The following RIMBP2 variants were observed in gnomAD, a reference collection of about 807,000 sequenced individuals.
RIMBP2 encodes the protein RIMS-binding protein 2.
A neutral mutation model predicts 118.6 loss-of-function variants in RIMBP2; 48 were observed. The ratio of observed to expected loss-of-function variants is 0.40; its 90% CI spans 0.32 to 0.51. The LOEUF is 0.51. RIMBP2 is among the 20% of genes least tolerant of loss of function. The probability of loss-of-function intolerance (pLI) is 0.41; values close to 1 mark genes in which losing one functional copy is unlikely to be tolerated. For missense variants in RIMBP2, 1,551 were observed against 1,768.3 expected (o/e 0.88, Z 2.20); for synonymous variants, 762 against 742.9 (o/e 1.03, Z -0.42).
rs1051341118 is a variant in RIMBP2, at chr12:130,434,413, A to G, written c.2253+321T>C. ...CCAGTTAACGGAGGTGAATGAGCGA[A>G]TGGCAGGTTCTGCCTGAACTGAGCC... On this transcript the variant is annotated intron_variant, in intron 14 of 22. Transcript: ENST00000690449. The surrounding 1 kb of genome is among the most constrained non-coding windows in gnomAD (Gnocchi z 5.7). Among the ~76,000 whole-genome samples, 7 of 152,182 alleles carry G rather than the reference A, an allele frequency of 4.6e-5. No individual in the cohort carries two copies. Among genetic ancestry groups the G allele is most frequent in the African/African-American group, 1.7e-4 (7 of 41,446 alleles).
Position 130,677,499 on chromosome 12 carries a change from G to A in RIMBP2, c.-352+38723C>T, listed in dbSNP as rs189119605. On this transcript the variant is annotated intron_variant, in intron 1 of 22. Transcript: ENST00000690449. ...AAAAATTAGCTCAGGGTGGTGGCGG[G>A]CACTTGTAGTCCCAGCTACTCAGGA... Among the ~76,000 whole-genome samples the A allele has an allele frequency of 1.4e-3, 214 of 152,168 alleles. 1 individual carries two copies. Among genetic ancestry groups the A allele is most frequent in the African/African-American group, 4.0e-3 (168 of 41,508 alleles).
At position 130,555,756 on chromosome 12, in the gene RIMBP2, C is replaced by A. The variant is rs150407259; in HGVS notation, c.-216-37839G>T. On this transcript the variant is annotated intron_variant, in intron 2 of 22. Transcript: ENST00000690449. ...ATTTCTCGATAAAGCAGCTAAAACA[C>A]GAAACTGCTAGTGCAAAAGCCAGTT... Among the ~76,000 whole-genome samples the A allele has an allele frequency of 9.6e-3, 1,455 of 152,268 alleles. 21 individuals are homozygous for A. The highest frequency in any genetic ancestry group is 0.033 in the African/African-American group (1,380 of 41,546).
At position 130,645,218 on chromosome 12, in the gene RIMBP2, C is replaced by T. The variant is rs563506224; in HGVS notation, c.-351-16762G>A. Among the ~76,000 whole-genome samples, 54 of 152,128 alleles carry T rather than the reference C, an allele frequency of 3.5e-4. 1 individual carries two copies. The highest frequency in any genetic ancestry group is 1.7e-3 in the South Asian group (8 of 4,808). ...AAGAGAGTCTCCCGCCTCAGGTCCC[C>T]GAGTAGCTGGGACTACGGTGTGTCC... On this transcript the variant is annotated intron_variant, in intron 1 of 22. Transcript: ENST00000690449.
At chr12:130,687,596 G>A (rs2065116121) in intron 1 of RIMBP2, among the ~76,000 whole-genome samples, 1 of 152,016 alleles carries the variant, frequency 6.6e-6, no homozygotes, top group African/African-American at 2.4e-5. Context: ...TAGGTGACTG[G>A]GCATTGAACA....
chr12:130,615,291 ATATATGTG>A (rs1438267053), intron 2 of RIMBP2, among the ~76,000 whole-genome samples: 7 of 128,262 alleles, frequency 5.5e-5, no homozygotes, highest in African/African-American at 1.7e-4. Flanking sequence ...ATATATATAT[ATATATGTG>A]TACACACAAA....
Position 130,421,689 on chromosome 12 carries a change from A to ATGTGTGTGTGTGTGTGTG in RIMBP2, c.3238+763_3238+764insCACACACACACACACACA, listed in dbSNP as rs1336875443. 1.1e-3 allele frequency among the ~76,000 whole-genome samples: 122 copies of ATGTGTGTGTGTGTGTGTG among 106,994 alleles called. 1 individual carries two copies. Among genetic ancestry groups the ATGTGTGTGTGTGTGTGTG allele is most frequent in the Non-Finnish European group, 1.6e-3 (91 of 57,922 alleles). 70.2% of individuals were successfully genotyped at this position (106,994 alleles called of 152,430 possible). On this transcript the variant is annotated intron_variant, in intron 17 of 22. Coordinates refer to ENST00000690449, the MANE Select transcript of RIMBP2 (RefSeq NM_001393629.1). Reference sequence around the variant, plus strand: ...TGTATCAAGAGTTCTCCCTGCATTTATATGTGTGTGTGTGTGTGTGTGTGT... The same window carrying ATGTGTGTGTGTGTGTGTG: ...TGTATCAAGAGTTCTCCCTGCATTTATGTGTGTGTGTGTGTGTGTATGTGTGTGTGTGTGTGTGTGTGT...
At chr12:130,632,368 A>T (rs2140965994) in intron 1 of RIMBP2, among the ~76,000 whole-genome samples, 1 of 152,218 alleles carries the variant, frequency 6.6e-6, no homozygotes, top group Non-Finnish European at 1.5e-5. Context: ...ACAGGAAGTC[A>T]CGATAATCTG....
chr12:130,682,309 C>T (rs1205568132), intron 1 of RIMBP2, among the ~76,000 whole-genome samples: 3 of 152,236 alleles, frequency 2.0e-5, no homozygotes, highest in Admixed American at 2.0e-4. Context: ...CTCTGGGGCC[C>T]TGGAGCACCG....
chr12:130,612,240 C>T (rs145092204), intron 2 of RIMBP2, among the ~76,000 whole-genome samples: 53 of 152,296 alleles, frequency 3.5e-4, no homozygotes, highest in Middle Eastern at 3.4e-3. Context: ...CGCTCCTCAG[C>T]CTCACCTTCC....
chr12:130,691,725 A>AAAACAGCCC (rs2065315960), intron 1 of RIMBP2, among the ~76,000 whole-genome samples: 1 of 152,226 alleles, frequency 6.6e-6, no homozygotes, highest in African/African-American at 2.4e-5. Flanking sequence ...TTGGGGGAGA[A>AAAACAGCCC]AAACAGCCCA....
chr12:130,645,974 A>G (rs2062856929), intron 1 of RIMBP2, among the ~76,000 whole-genome samples: 3 of 152,110 alleles, frequency 2.0e-5, no homozygotes, highest in African/African-American at 4.8e-5. Context: ...AGAAGGAAAG[A>G]AAAAACCCAG....
intron 2 of RIMBP2, among the ~76,000 whole-genome samples, chr12:130,550,778 A>G (rs1460511649): frequency 6.6e-6 from 1 of 152,240 alleles, no homozygotes; most frequent in Non-Finnish European, 1.5e-5. Context: ...GAGATTCTAA[A>G]AGACACAAAA....
rs1353071299 is a variant in RIMBP2, at chr12:130,469,368, G to A, written c.153+1325C>T. ...CATGGTGGAGCAGTCCCTCAGAGGC[G>A]GATTGAAGCCACACAGGGTCATGTC... On this transcript the variant is annotated intron_variant, in intron 6 of 22. Coordinates refer to ENST00000690449, the MANE Select transcript of RIMBP2 (RefSeq NM_001393629.1). This position sits in a 1 kb window ranked among gnomAD's most constrained non-coding sequence, Gnocchi z 4.8. Among the ~76,000 whole-genome samples the A allele has an allele frequency of 3.9e-5, 6 of 152,122 alleles. No homozygotes were observed. Among genetic ancestry groups the A allele is most frequent in the African/African-American group, 1.4e-4 (6 of 41,416 alleles).
chr12:130,489,408 CTTG>C (rs530710842), intron 4 of RIMBP2, among the ~76,000 whole-genome samples: 75 of 152,238 alleles, frequency 4.9e-4, no homozygotes, highest in African/African-American at 1.5e-3. Context: ...CTCTCCTTCT[CTTG>C]TTTTGCTCTG....
At chr12:130,560,323 G>A (rs2056714985) in intron 2 of RIMBP2, among the ~76,000 whole-genome samples, 1 of 151,950 alleles carries the variant, frequency 6.6e-6, no homozygotes, top group Non-Finnish European at 1.5e-5. Context: ...GCAGAGTCGG[G>A]GGTCTCGGTT....
chr12:130,605,137 C>T (rs2060109552), intron 2 of RIMBP2, among the ~76,000 whole-genome samples: 1 of 152,102 alleles, frequency 6.6e-6, no homozygotes, highest in Non-Finnish European at 1.5e-5. Flanking sequence ...TTTCTCAGAA[C>T]TCATTCCATT....
At position 130,481,098 on chromosome 12, in the gene RIMBP2, G is replaced by A. The variant is rs1037024216; in HGVS notation, c.-3-2082C>T. 2.5e-4 allele frequency among the ~76,000 whole-genome samples: 14 copies of A among 55,726 alleles called. 1 individual carries two copies. The highest frequency in any genetic ancestry group is 8.8e-3 in the Middle Eastern group (1 of 114). The allele number at this position is 55,726 out of a possible 152,430, so 36.6% of individuals were successfully genotyped here. A position where few individuals can be genotyped will look rare whatever the true frequency, so the allele number is the denominator to read the frequency against. ...GCTGAGACTGGCAAGCTGTGAGGGC[G>A]GGGGGCACCCAGGCTCAGGGGGAGG... On this transcript the variant is annotated intron_variant, in intron 4 of 22. Transcript: ENST00000690449.
intron 22 of RIMBP2, 91 bp downstream of exon 22, chr12:130,399,588 C>T: frequency 2.1e-6 from 3 of 1,460,842 alleles, no homozygotes; most frequent in South Asian, 1.4e-5. Context: ...GCTTTTCGGC[C>T]CAAGATATAA....
At chr12:130,608,487 T>C (rs934537552) in intron 2 of RIMBP2, among the ~76,000 whole-genome samples, 2 of 152,230 alleles carry the variant, frequency 1.3e-5, no homozygotes, top group Non-Finnish European at 2.9e-5. Flanking sequence ...CCCACCCTGG[T>C]GTCTCTCTAC....
Sources: allele counts gnomAD v4.1 joint callset (sites outside exome capture counted in the v4.1 genomes callset), GRCh38; gene constraint gnomAD v4.1.1; non-coding constraint Gnocchi (gnomAD v3.1); transcripts MANE v1.5; gene names NCBI Gene and HGNC (gene_info 2026-07-23, HGNC 2026-07-21).